ANKS1B: variants seen among roughly 807,000 people sequenced by gnomAD.
ANKS1B encodes the protein ankyrin repeat and sterile alpha motif domain-containing protein 1B.
In ANKS1B, 36 loss-of-function variants were observed where a neutral mutation model predicts 148.3. The ratio of observed to expected loss-of-function variants is 0.24; its 90% confidence interval spans 0.19 to 0.32. The LOEUF (loss-of-function observed/expected upper bound fraction) is 0.32. Ranked by LOEUF, ANKS1B falls within the 10% of genes least tolerant of loss-of-function variation. The pLI is 1.00. For synonymous variants in ANKS1B, 542 were observed against 560.8 expected (o/e 0.97, Z 0.47); for missense variants, 1,157 against 1,542.6 (o/e 0.75, Z 4.19).
chr12:98,894,038 C>T (rs2099758224), intron 17 of ANKS1B, among the ~76,000 whole-genome samples: 1 of 152,284 alleles, frequency 6.6e-6, no homozygotes, highest in African/African-American at 2.4e-5. Context: ...AGCAGCAAAT[C>T]GCAGTCTCTG....
intron 11 of ANKS1B, among the ~76,000 whole-genome samples, chr12:99,401,794 A>C (rs2094411528): frequency 6.8e-6 from 1 of 146,758 alleles, no homozygotes; most frequent in South Asian, 2.1e-4. Context: ...CATAGCAGTA[A>C]GGGTGATGAA....
chr12:98,872,889 C>T (rs559478041), intron 17 of ANKS1B, among the ~76,000 whole-genome samples: 7 of 152,260 alleles, frequency 4.6e-5, no homozygotes, highest in Middle Eastern at 3.4e-3. Flanking sequence ...AACTTAACAC[C>T]TACTTTCTTC....
intron 9 of ANKS1B, among the ~76,000 whole-genome samples, chr12:99,642,343 A>G (rs1364612594): frequency 7.7e-6 from 1 of 129,894 alleles, no homozygotes; most frequent in East Asian, 2.1e-4. Context: ...CTACTGACCT[A>G]ATTTCTGTAG....
intron 17 of ANKS1B, among the ~76,000 whole-genome samples, chr12:98,872,436 C>T (rs565457206): frequency 2.6e-5 from 4 of 152,074 alleles, no homozygotes; most frequent in East Asian, 3.9e-4. Flanking sequence ...CTACTCGGGA[C>T]GCTAAGGCAG....
At chr12:99,952,296 T>C (rs930167627) in intron 1 of ANKS1B, among the ~76,000 whole-genome samples, 1 of 152,146 alleles carries the variant, frequency 6.6e-6, no homozygotes, top group African/African-American at 2.4e-5. Context: ...CTATGTTCCA[T>C]CTCTTAGGTT....
intron 23 of ANKS1B, 62 bp from the exon 24 acceptor site, chr12:98,781,265 AT>A: frequency 1.0e-6 from 1 of 961,566 alleles, no homozygotes. Context: ...GAAGCACACA[AT>A]TTTTCCTCCT....
At chr12:99,343,012 C>T (rs1603176136) in intron 12 of ANKS1B, among the ~76,000 whole-genome samples, 1 of 151,850 alleles carries the variant, frequency 6.6e-6, no homozygotes, top group Non-Finnish European at 1.5e-5. Flanking sequence ...TGCCCTATTT[C>T]TGTCAAAAGA....
At chr12:99,441,547 T>C (rs773331432) in intron 11 of ANKS1B, among the ~76,000 whole-genome samples, 1 of 152,004 alleles carries the variant, frequency 6.6e-6, no homozygotes, top group Non-Finnish European at 1.5e-5. Flanking sequence ...TGAAGTTATA[T>C]TCTTTCTGCA....
At chr12:99,607,111 T>A (rs1357416901) in intron 9 of ANKS1B, among the ~76,000 whole-genome samples, 1 of 152,100 alleles carries the variant, frequency 6.6e-6, no homozygotes, top group Non-Finnish European at 1.5e-5. Flanking sequence ...CCAGGGAGGA[T>A]GGGGCCATAC....
chr12:99,586,825 C>A (rs1371887128), intron 9 of ANKS1B, among the ~76,000 whole-genome samples: 1 of 152,144 alleles, frequency 6.6e-6, no homozygotes, highest in African/African-American at 2.4e-5. Flanking sequence ...CTTTATAAAA[C>A]CATCAGATCT....
At chr12:99,642,933 C>A (rs771811691) in intron 9 of ANKS1B, among the ~76,000 whole-genome samples, 1 of 152,192 alleles carries the variant, frequency 6.6e-6, no homozygotes, top group Non-Finnish European at 1.5e-5. Context: ...ATCTTCAAAT[C>A]TCTGCTTTCC....
intron 1 of ANKS1B, among the ~76,000 whole-genome samples, chr12:99,978,238 A>G (rs2095651793): frequency 6.6e-6 from 1 of 152,236 alleles, no homozygotes; most frequent in African/African-American, 2.4e-5. Context: ...GTCATCTGTA[A>G]GAAATCGAGT....
At chr12:99,598,429 CAAGA>C (rs2097774773) in intron 9 of ANKS1B, among the ~76,000 whole-genome samples, 1 of 152,060 alleles carries the variant, frequency 6.6e-6, no homozygotes, top group African/African-American at 2.4e-5. Context: ...AACAAAACTA[CAAGA>C]TAGATACCGT....
chr12:98,907,037 GTGTGTGTGTGTA>G (rs1211344679), intron 17 of ANKS1B, among the ~76,000 whole-genome samples: 1 of 150,756 alleles, frequency 6.6e-6, no homozygotes, highest in Non-Finnish European at 1.5e-5. Context: ...GTGTGTGTGT[GTGTGTGTGTGTA>G]TGTATGGTGA....
At chr12:99,270,621 T>C (rs1290274375) in intron 12 of ANKS1B, among the ~76,000 whole-genome samples, 2 of 152,186 alleles carry the variant, frequency 1.3e-5, no homozygotes, top group Admixed American at 1.3e-4. Context: ...TATAATATCC[T>C]GTCTGGGTAC....
intron 9 of ANKS1B, among the ~76,000 whole-genome samples, chr12:99,558,222 G>C (rs183345463): frequency 4.6e-5 from 7 of 152,254 alleles, no homozygotes; most frequent in African/African-American, 1.7e-4. Context: ...TCACATTGGT[G>C]ACCGTAGCGG....
At chr12:99,103,116 C>T (rs2058372622) in intron 15 of ANKS1B, among the ~76,000 whole-genome samples, 1 of 151,938 alleles carries the variant, frequency 6.6e-6, no homozygotes, top group Non-Finnish European at 1.5e-5. Flanking sequence ...AGATAAAGGG[C>T]CTGGAAGAGG....
At chr12:99,321,531 G>T (rs1200309452) in intron 12 of ANKS1B, among the ~76,000 whole-genome samples, 1 of 152,242 alleles carries the variant, frequency 6.6e-6, no homozygotes, top group African/African-American at 2.4e-5. Flanking sequence ...CTACTGGTGT[G>T]CTGTTTGCTA....
chr12:99,015,561 G>T (rs1431075044), intron 17 of ANKS1B, among the ~76,000 whole-genome samples: 1 of 152,138 alleles, frequency 6.6e-6, no homozygotes, highest in Admixed American at 6.5e-5. Flanking sequence ...AAGGAAAATA[G>T]TAAGATCTTA....
Sources: gnomAD v4.1 joint callset for allele counts (sites outside exome capture counted in the v4.1 genomes callset) on GRCh38, gnomAD v4.1.1 for gene constraint, MANE v1.5 for transcripts, NCBI Gene and HGNC (gene_info 2026-07-23, HGNC 2026-07-21) for gene names.